TP53RK: variants seen among roughly 807,000 people sequenced by gnomAD.
TP53RK encodes EKC/KEOPS complex subunit TP53RK.
Under a neutral mutation model 14.9 loss-of-function variants are expected in TP53RK, and 17 were observed. The ratio of observed to expected loss-of-function variants is 1.14; its 90% CI spans 0.78 to 1.71. The LOEUF (loss-of-function observed/expected upper bound fraction) is 1.71, where lower values mean the gene tolerates loss of function less well. Ranked by LOEUF, TP53RK falls within the 40% of genes most tolerant of loss-of-function variation. The pLI, the probability that TP53RK is intolerant of heterozygous loss-of-function variation, is 0.00. For synonymous variants in TP53RK, 131 were observed against 138.0 expected, an observed-to-expected ratio of 0.95 and a Z score of 0.36; for missense variants, 343 against 332.0, an observed-to-expected ratio of 1.03 and a Z score of -0.26.
Position 46,689,120 on chromosome 20 carries a change from G to A in TP53RK, c.283+12C>T, listed in dbSNP as rs1235282636. 1.5e-6 allele frequency: 2 copies of A among 1,373,126 alleles called. No homozygotes were observed. Among genetic ancestry groups the A allele is most frequent in the Non-Finnish European group, 1.9e-6 (2 of 1,069,212 alleles). The allele number at this position is 1,373,126 out of a possible 1,614,324, so 85.1% of individuals were successfully genotyped here. A position where few individuals can be genotyped will look rare whatever the true frequency, so the allele number is the denominator to read the frequency against. On this transcript the variant is annotated intron_variant, in intron 1 of 1. Transcript: ENST00000372114. ...TCGGGGCCGCCCACGCCGGGATCCC[G>A]GCCCACCTTACCAGCGCGGCGACAG...
Position 46,689,289 on chromosome 20 carries a change from AC to A in TP53RK, c.125del (p.Gly42ValfsTer17). The A allele has an allele frequency of 3.2e-6, 5 of 1,544,090 alleles. No individual in the cohort carries two copies. Among genetic ancestry groups the A allele is most frequent in the Non-Finnish European group, 4.3e-6 (5 of 1,151,696 alleles). ...GGCCACGGAACACGCGCGCCTCGGC[AC>A]CCTGCTTCACCAGCTCCAGGCCGCT... Reference protein sequence around the residue: ...FLSGLELVKQGAEARVFRGRF... With the variant: ...FLSGLELVKQXAEARVFRGRF... On this transcript the variant is annotated frameshift_variant, in exon 1 of 2. Coordinates refer to ENST00000372114, the MANE Select transcript of TP53RK (RefSeq NM_033550.4). LOFTEE classifies it high-confidence loss of function.
Position 46,689,381 on chromosome 20 carries a change from C to T in TP53RK, c.34G>A (p.Gly12Ser), listed in dbSNP as rs200981640. 54 of 1,571,224 alleles carry T rather than the reference C, an allele frequency of 3.4e-5. No individual in the cohort carries two copies. The East Asian group carries it at 1.3e-3, about 37-fold the overall frequency. ...AAARATTPAD[G>S]EEPAPEAEAL... ...TCAGCCTCCGGGGCGGGCTCCTCGCCATCGGCCGGCGTAGTAGCTCTGGCC... is the reference window on the plus strand; with the variant it reads ...TCAGCCTCCGGGGCGGGCTCCTCGCTATCGGCCGGCGTAGTAGCTCTGGCC... Residue 12 changes from glycine to serine, a missense_variant, in exon 1 of 2, where the codon GGC (glycine) becomes AGC (serine). Transcript: ENST00000372114.
At position 46,686,823 on chromosome 20, in the gene TP53RK, T is replaced by C. The variant is rs2063182417; in HGVS notation, c.692A>G (p.Lys231Arg). ...TAATTTTTTTAGCACTGGCCTGGCC[T>C]TTTTGGAGGAGGTGGAGTAGCTCTT... is the stretch of plus-strand genomic sequence containing the variant. ...FLKSYSTSSK[K>R]ARPVLKKLDE... The change falls in exon 2 of 2, where the codon AAG becomes AGG. Residue 231 changes from lysine (K) to arginine (R), a missense_variant. Transcript: ENST00000372114. 1 of 1,614,032 alleles carries C rather than the reference T, an allele frequency of 6.2e-7. No individual in the cohort carries two copies.
In TP53RK at chr20:46,686,577, C is replaced by G. The variant is rs2122962244; in HGVS notation, c.*176G>C. ...TTTAAATACCCAATTCTGCCTAGAACATGACTTAGACACATAGTAAGCTCT... is the reference window on the plus strand; with the variant it reads ...TTTAAATACCCAATTCTGCCTAGAAGATGACTTAGACACATAGTAAGCTCT... On this transcript the variant is annotated 3_prime_UTR_variant, in exon 2 of 2. Transcript: ENST00000372114. 1.6e-6 allele frequency: 1 copy of G among 632,886 alleles called. No homozygotes were observed. The highest frequency in any genetic ancestry group is 2.0e-5 in the South Asian group (1 of 49,952). 39.2% of individuals were successfully genotyped at this position (632,886 alleles called of 1,614,324 possible). A position where few individuals can be genotyped will look rare whatever the true frequency, so the allele number is the denominator to read the frequency against.
At position 46,689,129 on chromosome 20, in the gene TP53RK, T is replaced by C; in HGVS notation, c.283+3A>G. 1 of 1,385,590 alleles carries C rather than the reference T, an allele frequency of 7.2e-7. No homozygotes were observed. The highest frequency in any genetic ancestry group is 9.3e-7 in the Non-Finnish European group (1 of 1,074,990). The allele number at this position is 1,385,590 out of a possible 1,614,324, so 85.8% of individuals were successfully genotyped here. A position where few individuals can be genotyped will look rare whatever the true frequency, so the allele number is the denominator to read the frequency against. ...CCCACGCCGGGATCCCGGCCCACCT[T>C]ACCAGCGCGGCGACAGCGGAGGAGC... On this transcript the variant is annotated splice_donor_region_variant and intron_variant, in intron 1 of 1. Coordinates refer to ENST00000372114, the MANE Select transcript of TP53RK (RefSeq NM_033550.4).
Position 46,686,835 on chromosome 20 carries a change from G to A in TP53RK, c.680C>T (p.Thr227Ile), listed in dbSNP as rs767873120. The A allele has an allele frequency of 1.2e-6, 2 of 1,614,164 alleles. No individual in the cohort carries two copies. The highest frequency in any genetic ancestry group is 2.2e-5 in the East Asian group (1 of 44,884). The part of the protein sequence containing the change: ...VFEAFLKSYS[T>I]SSKKARPVLK... ...CACTGGCCTGGCCTTTTTGGAGGAG[G>A]TGGAGTAGCTCTTCAGAAAGGCTTC... is the stretch of plus-strand genomic sequence containing the variant. The change falls in exon 2 of 2, where the codon ACC becomes ATC. Residue 227 changes from threonine to isoleucine, a missense_variant. By Grantham distance (89) the Thr-to-Ile change is moderately conservative. Coordinates refer to ENST00000372114, the MANE Select transcript of TP53RK (RefSeq NM_033550.4).
rs147148962 is a variant in TP53RK, at chr20:46,684,589, A to T, written c.*2164T>A. 4.6e-5 allele frequency: 7 copies of T among 152,198 alleles called. No homozygotes were observed. In the East Asian group the frequency reaches 1.4e-3, roughly 29 times the overall value. The allele number at this position is 152,198 out of a possible 1,614,324, so 9.4% of individuals were successfully genotyped here. ...AGGTAGCCGCCCCGAGGATTAAATTACCTCCCACTGGGTCCCTCCCATGTC... is the reference window on the plus strand; with the variant it reads ...AGGTAGCCGCCCCGAGGATTAAATTTCCTCCCACTGGGTCCCTCCCATGTC... On this transcript the variant is annotated 3_prime_UTR_variant, in exon 2 of 2. Coordinates refer to ENST00000372114, the MANE Select transcript of TP53RK (RefSeq NM_033550.4).
Position 46,689,401 on chromosome 20 carries a change from C to T in TP53RK, c.14G>A (p.Arg5Lys). The T allele has an allele frequency of 6.4e-7, 1 of 1,559,472 alleles. No homozygotes were observed. Among genetic ancestry groups the T allele is most frequent in the Non-Finnish European group, 8.6e-7 (1 of 1,163,994 alleles). MAAARATTPADGEEP... is the reference protein window; with the variant it reads MAAAKATTPADGEEP... ...CTCGCCATCGGCCGGCGTAGTAGCT[C>T]TGGCCGCCGCCATGACTGCTCGGCG... Residue 5 changes from arginine (R) to lysine (K), a missense_variant, in exon 1 of 2, where the codon AGA (arginine) becomes AAA (lysine). Physicochemically the swap from Arg to Lys is conservative, Grantham distance 26. Transcript: ENST00000372114.
rs764001699 is a variant in TP53RK, at chr20:46,686,560, C to T, written c.*193G>A. 3.7e-4 allele frequency: 217 copies of T among 591,810 alleles called. No homozygotes were observed. Among genetic ancestry groups the T allele is most frequent in the Non-Finnish European group, 5.8e-4 (196 of 335,954 alleles). 36.7% of individuals were successfully genotyped at this position (591,810 alleles called of 1,614,324 possible). On this transcript the variant is annotated 3_prime_UTR_variant, in exon 2 of 2. Coordinates refer to ENST00000372114, the MANE Select transcript of TP53RK (RefSeq NM_033550.4). Reference sequence around the variant, plus strand: ...GCCTGTCCTCAATTTACTTTAAATACCCAATTCTGCCTAGAACATGACTTA... The same window carrying T: ...GCCTGTCCTCAATTTACTTTAAATATCCAATTCTGCCTAGAACATGACTTA...
intron 1 of TP53RK, among the ~76,000 whole-genome samples, chr20:46,687,671 C>T (rs1305549347): frequency 1.3e-5 from 2 of 152,204 alleles, no homozygotes; most frequent in African/African-American, 2.4e-5. Flanking sequence ...TGGCTCACGC[C>T]TGTAGTCCCA....
Position 46,686,765 on chromosome 20 carries a change from G to A in TP53RK, c.750C>T (p.Ser250=), listed in dbSNP as rs2063182276. The change falls in exon 2 of 2, where the codon TCC becomes TCT. Residue 250 remains serine (S), a synonymous_variant. Coordinates refer to ENST00000372114, the MANE Select transcript of TP53RK (RefSeq NM_033550.4). ...CATACACATTCTTCTACCCAACCAT[G>A]GACCTCTTTCTTCCTCTCAGGCGCA... is the stretch of plus-strand genomic sequence containing the variant. ...DEVRLRGRKR[S]MVG The A allele has an allele frequency of 6.2e-7, 1 of 1,613,452 alleles. No individual in the cohort carries two copies. Among genetic ancestry groups the A allele is most frequent in the Non-Finnish European group, 8.5e-7 (1 of 1,179,522 alleles).
Position 46,686,197 on chromosome 20 carries a change from G to T in TP53RK, c.*556C>A, listed in dbSNP as rs140148048. On this transcript the variant is annotated 3_prime_UTR_variant, in exon 2 of 2. Transcript: ENST00000372114. ...TCATTTTTTGATCATGACCCTGAAA[G>T]AGAAATATATTTGACATCAAAACTC... is the stretch of plus-strand genomic sequence containing the variant. 1 of 152,176 alleles carries T rather than the reference G, an allele frequency of 6.6e-6. No individual in the cohort carries two copies. The highest frequency in any genetic ancestry group is 1.5e-5 in the Non-Finnish European group (1 of 68,036). The allele number at this position is 152,176 out of a possible 1,614,324, so 9.4% of individuals were successfully genotyped here. A position where few individuals can be genotyped will look rare whatever the true frequency, so the allele number is the denominator to read the frequency against.
At position 46,687,000 on chromosome 20, in the gene TP53RK, G is replaced by T; in HGVS notation, c.515C>A (p.Pro172His). The T allele has an allele frequency of 1.2e-6, 2 of 1,614,150 alleles. No homozygotes were observed. Among genetic ancestry groups the T allele is most frequent in the Middle Eastern group, 1.6e-4 (1 of 6,062 alleles). The change falls in exon 2 of 2, where the codon CCC becomes CAC. Residue 172 changes from proline (P) to histidine (H), a missense_variant. By Grantham distance (77) the Pro-to-His change is moderately conservative. Coordinates refer to ENST00000372114, the MANE Select transcript of TP53RK (RefSeq NM_033550.4). ...DLTTSNMLLK[P>H]PLEQLNIVLI... Reference sequence around the variant, plus strand: ...CACAATGTTCAGCTGTTCCAGGGGGGGTTTCAGGAGCATGTTGGAGGTGGT... The same window carrying T: ...CACAATGTTCAGCTGTTCCAGGGGGTGTTTCAGGAGCATGTTGGAGGTGGT...
At chr20:46,687,544 G>A (rs1436100491) in intron 1 of TP53RK, among the ~76,000 whole-genome samples, 3 of 152,198 alleles carry the variant, frequency 2.0e-5, no homozygotes, top group South Asian at 2.1e-4. Context: ...AAGGCCGGGT[G>A]TGGTGGCTCA....
chr20:46,687,669 G>A (rs1351492184), intron 1 of TP53RK, among the ~76,000 whole-genome samples: 2 of 152,152 alleles, frequency 1.3e-5, no homozygotes, highest in Non-Finnish European at 2.9e-5. Flanking sequence ...GGTGGCTCAC[G>A]CCTGTAGTCC....
chr20:46,689,015 A>G, intron 1 of TP53RK, 117 bp downstream of exon 1: 1 of 1,115,976 alleles, frequency 9.0e-7, no homozygotes, highest in Non-Finnish European at 1.2e-6. Context: ...CGGACACCGC[A>G]GAAGGCACAG....
Position 46,687,139 on chromosome 20 carries a change from TATA to T in TP53RK, c.373_375del (p.Tyr125del), listed in dbSNP as rs1268989460. ...TTTTCAGTCTCCATAGTGGACTGAA[TATA>T]ATCTCGAACAGTCACTGAGCCTTCA... On this transcript the variant is annotated inframe_deletion, in exon 2 of 2. Transcript: ENST00000372114. 1 of 1,614,124 alleles carries T rather than the reference TATA, an allele frequency of 6.2e-7. No homozygotes were observed. Among genetic ancestry groups the T allele is most frequent in the Non-Finnish European group, 8.5e-7 (1 of 1,180,006 alleles).
rs1048943366 is a variant in TP53RK at position 46,685,843 on chromosome 20, A to C, written c.*910T>G. ...AAACATAGCTTCTTCTAAGAAAAGA[A>C]ACTGAGGCTGGGCAAGGTTAAAAGC... On this transcript the variant is annotated 3_prime_UTR_variant, in exon 2 of 2. Coordinates refer to ENST00000372114, the MANE Select transcript of TP53RK (RefSeq NM_033550.4). The C allele has an allele frequency of 2.0e-5, 3 of 152,218 alleles. No homozygotes were observed. The highest frequency in any genetic ancestry group is 7.2e-5 in the African/African-American group (3 of 41,444). The allele number at this position is 152,218 out of a possible 1,614,324, so 9.4% of individuals were successfully genotyped here.
chr20:46,689,291 C>A lies in TP53RK; in HGVS notation c.124G>T (p.Gly42Cys). Reference sequence around the variant, plus strand: ...CCACGGAACACGCGCGCCTCGGCACCCTGCTTCACCAGCTCCAGGCCGCTC... The same window carrying A: ...CCACGGAACACGCGCGCCTCGGCACACTGCTTCACCAGCTCCAGGCCGCTC... ...FLSGLELVKQ[G>C]AEARVFRGRF... Residue 42 changes from glycine (G) to cysteine (C), a missense_variant, in exon 1 of 2, where the codon GGT (glycine) becomes TGT (cysteine). By Grantham distance (159) the Gly-to-Cys change is radical (BLOSUM62 -3). Coordinates refer to ENST00000372114, the MANE Select transcript of TP53RK (RefSeq NM_033550.4). 1 of 1,545,226 alleles carries A rather than the reference C, an allele frequency of 6.5e-7. No individual in the cohort carries two copies. Among genetic ancestry groups the A allele is most frequent in the Non-Finnish European group, 8.7e-7 (1 of 1,152,268 alleles).
Sources: gnomAD v4.1 joint callset for allele counts (sites outside exome capture counted in the v4.1 genomes callset) on GRCh38, gnomAD v4.1.1 for gene constraint, MANE v1.5 for transcripts, NCBI Gene and HGNC (gene_info 2026-07-23, HGNC 2026-07-21) for gene names.